DTNBP1: variants seen among roughly 807,000 people sequenced by gnomAD.
The protein encoded by DTNBP1 is dystrobrevin binding protein 1, also known as dysbindin.
A neutral mutation model predicts 42.8 loss-of-function variants in DTNBP1; 35 were observed. The ratio of observed to expected loss-of-function variants is 0.82; its 90% confidence interval spans 0.63 to 1.09. The LOEUF is 1.09. Among genes scored for constraint, DTNBP1 ranks in the 50% least tolerant of loss-of-function variants. DTNBP1 has a pLI of 0.00. For synonymous variants in DTNBP1, 171 were observed against 162.2 expected (o/e 1.05, Z -0.41); for missense variants, 457 against 424.2 (o/e 1.08, Z -0.68).
chr6:15,588,515 T>C (rs896046771), intron 7 of DTNBP1, among the ~76,000 whole-genome samples: 6 of 152,122 alleles, frequency 3.9e-5, no homozygotes, highest in African/African-American at 1.4e-4. Context: ...AAGGATGACA[T>C]AAAAAAACAA....
At chr6:15,616,930 A>C (rs1369810172) in intron 5 of DTNBP1, among the ~76,000 whole-genome samples, 1 of 152,260 alleles carries the variant, frequency 6.6e-6, no homozygotes, top group Non-Finnish European at 1.5e-5. Flanking sequence ...GTAAAGTTGC[A>C]GGATACAAAA....
At chr6:15,525,881 TC>T (rs2127788472) in intron 8 of DTNBP1, among the ~76,000 whole-genome samples, 1 of 152,200 alleles carries the variant, frequency 6.6e-6, no homozygotes, top group South Asian at 2.1e-4. Flanking sequence ...ATGAAAGACC[TC>T]AGGACCCAGA....
At chr6:15,651,505 T>C (rs940252421) in intron 2 of DTNBP1, 142 bp from the exon 3 acceptor site, 2 of 1,195,964 alleles carry the variant, frequency 1.7e-6, no homozygotes, top group Non-Finnish European at 2.4e-6. Context: ...TTTAGAGAAA[T>C]GTGTTTTATT....
intron 5 of DTNBP1, among the ~76,000 whole-genome samples, chr6:15,620,470 GAGCCACCCCACCC>G (rs1032319734): frequency 6.6e-5 from 10 of 152,002 alleles, no homozygotes. Context: ...TTACAGGTGT[GAGCCACCCCACCC>G]AGCCTACATT....
intron 8 of DTNBP1, among the ~76,000 whole-genome samples, chr6:15,532,568 G>C (rs150568761): frequency 6.6e-6 from 1 of 152,270 alleles, no homozygotes; most frequent in African/African-American, 2.4e-5. Flanking sequence ...AGACTCGACA[G>C]AGACTAGAAA....
At chr6:15,561,508 G>A (rs1052441009) in intron 7 of DTNBP1, among the ~76,000 whole-genome samples, 4 of 152,182 alleles carry the variant, frequency 2.6e-5, no homozygotes, top group African/African-American at 9.7e-5. Context: ...TTCTGACCAA[G>A]CATCTCTCTA....
chr6:15,558,785 A>C (rs1380834567), intron 7 of DTNBP1, among the ~76,000 whole-genome samples: 1 of 152,208 alleles, frequency 6.6e-6, no homozygotes, highest in East Asian at 1.9e-4. Flanking sequence ...AGAGTCAAGA[A>C]AACTTTTCTT....
chr6:15,659,495 G>A (rs1334933956), intron 1 of DTNBP1, among the ~76,000 whole-genome samples: 1 of 152,100 alleles, frequency 6.6e-6, no homozygotes, highest in African/African-American at 2.4e-5. Context: ...TGATAGCTCT[G>A]GGTGGCCAGG....
intron 7 of DTNBP1, among the ~76,000 whole-genome samples, chr6:15,540,760 G>A (rs1773512178): frequency 6.6e-6 from 1 of 152,066 alleles, no homozygotes; most frequent in Admixed American, 6.6e-5. Context: ...TCCTGCCTCA[G>A]CCTCCCGAGT....
intron 9 of DTNBP1, chr6:15,524,015 T>C (rs1266645198): frequency 1.6e-6 from 2 of 1,289,342 alleles, no homozygotes; most frequent in Non-Finnish European, 1.0e-6. Context: ...CCATATTTGC[T>C]GCATGAATGT....
intron 3 of DTNBP1, among the ~76,000 whole-genome samples, chr6:15,640,289 C>T (rs936492291): frequency 6.6e-6 from 1 of 152,198 alleles, no homozygotes; most frequent in African/African-American, 2.4e-5. Flanking sequence ...TCATCCCCAT[C>T]CAATCACTTT....
At chr6:15,577,087 C>T (rs1775610418) in intron 7 of DTNBP1, among the ~76,000 whole-genome samples, 1 of 152,208 alleles carries the variant, frequency 6.6e-6, no homozygotes, top group Admixed American at 6.5e-5. Context: ...CTTGAGAAAG[C>T]AGCAGAAGGG....
intron 7 of DTNBP1, among the ~76,000 whole-genome samples, chr6:15,580,937 A>G (rs1340350610): frequency 6.6e-6 from 1 of 152,192 alleles, no homozygotes; most frequent in Non-Finnish European, 1.5e-5. Flanking sequence ...CTAGACAAGA[A>G]TGACCAGGAG....
In DTNBP1 at chr6:15,523,205, T is replaced by TACTGGATTC. The variant is rs1208646402; in HGVS notation, c.817_825dup (p.Glu273_Ser275dup). 1 of 1,614,062 alleles carries TACTGGATTC rather than the reference T, an allele frequency of 6.2e-7. No homozygotes were observed. Among genetic ancestry groups the TACTGGATTC allele is most frequent in the Non-Finnish European group, 8.5e-7 (1 of 1,180,016 alleles). On this transcript the variant is annotated inframe_insertion, in exon 10 of 10. Coordinates refer to ENST00000344537, the MANE Select transcript of DTNBP1 (RefSeq NM_032122.5). Reference sequence around the variant, plus strand: ...TGGAGGGTAATCTCATTCTGACAGGTACTGGATTCAGGCCCTGCAAAATAA... The same window carrying TACTGGATTC: ...TGGAGGGTAATCTCATTCTGACAGGTACTGGATTCACTGGATTCAGGCCCTGCAAAATAA...
chr6:15,563,570 C>T (rs913598447), intron 7 of DTNBP1, among the ~76,000 whole-genome samples: 15 of 152,290 alleles, frequency 9.8e-5, no homozygotes, highest in African/African-American at 3.6e-4. Context: ...AATCATAAGG[C>T]TTTTGTTTAA....
intron 6 of DTNBP1, 62 bp downstream of exon 6, chr6:15,615,205 G>A (rs1243073800): frequency 6.2e-7 from 1 of 1,609,188 alleles, no homozygotes; most frequent in African/African-American, 1.3e-5. Flanking sequence ...AGAGTAGCAT[G>A]TAAAGTAATA....
intron 1 of DTNBP1, among the ~76,000 whole-genome samples, chr6:15,659,837 C>A (rs573400697): frequency 6.6e-6 from 1 of 152,168 alleles, no homozygotes; most frequent in Admixed American, 6.5e-5. Flanking sequence ...CAGGTGTGAG[C>A]CACCGCACCC....
chr6:15,654,245 A>G (rs1217765649), intron 1 of DTNBP1, among the ~76,000 whole-genome samples: 1 of 152,246 alleles, frequency 6.6e-6, no homozygotes, highest in Non-Finnish European at 1.5e-5. Context: ...TATCCTGGAA[A>G]CTAGTAAATC....
At chr6:15,660,549 CT>C in intron 1 of DTNBP1, 1 of 1,289,390 alleles carries the variant, frequency 7.8e-7, no homozygotes, top group African/African-American at 1.5e-5. Context: ...AACAAAAGAC[CT>C]AATGAAGCCC....
Sources: allele counts gnomAD v4.1 joint callset (sites outside exome capture counted in the v4.1 genomes callset), GRCh38; gene constraint gnomAD v4.1.1; transcripts MANE v1.5; gene names NCBI Gene and HGNC (gene_info 2026-07-23, HGNC 2026-07-21).